Variants in CACNA1D observed in about 807,000 individuals in gnomAD.
CACNA1D encodes voltage-dependent L-type calcium channel subunit alpha-1D.
A neutral mutation model predicts 257.1 loss-of-function variants in CACNA1D; 55 were observed. That is an observed-to-expected ratio of 0.21 (90% CI 0.17 to 0.27). The LOEUF (loss-of-function observed/expected upper bound fraction) is 0.27, where lower values mean the gene tolerates loss of function less well. CACNA1D is among the 10% of genes least tolerant of loss of function. CACNA1D has a pLI of 1.00. For synonymous variants in CACNA1D, 980 were observed against 1,014.9 expected, an observed-to-expected ratio of 0.97 and a Z score of 0.65; for missense variants, 1,876 against 2,784.0, an observed-to-expected ratio of 0.67 and a Z score of 7.34.
At chr3:53,801,449 C>G in intron 42 of CACNA1D, 24 bp downstream of exon 42, 1 of 1,612,570 alleles carries the variant, frequency 6.2e-7, no homozygotes, top group Non-Finnish European at 8.5e-7. Context: ...TGTGTTTGGA[C>G]TTGCTCATGT....
rs947743150 is a variant in CACNA1D, at chr3:53,645,981, G to C, written c.484-4798G>C. Among the ~76,000 whole-genome samples the C allele has an allele frequency of 2.6e-5, 4 of 152,348 alleles. No individual in the cohort carries two copies. The East Asian group carries it at 7.7e-4, about 29-fold the overall frequency. On this transcript the variant is annotated intron_variant, in intron 3 of 47. Transcript: ENST00000350061. The stretch of plus-strand genomic sequence containing the variant: ...TATGGCTCCAAGCCCTGTGTTCCTT[G>C]CATTCAACCCCGCTGGGTGCGTTTT...
intron 21 of CACNA1D, among the ~76,000 whole-genome samples, chr3:53,741,032 G>C (rs961201393): frequency 1.3e-5 from 2 of 152,192 alleles, no homozygotes; most frequent in Admixed American, 1.3e-4. Flanking sequence ...CCTTTGGCCG[G>C]GGTGACCTAA....
chr3:53,776,483 C>T (rs2095397900), intron 35 of CACNA1D, 120 bp from the exon 36 acceptor site: 8 of 1,214,572 alleles, frequency 6.6e-6, no homozygotes, highest in Non-Finnish European at 9.4e-6. Flanking sequence ...AAAGTTTTTA[C>T]AACTTCTCTT....
Position 53,776,847 on chromosome 3 carries a change from A to G in CACNA1D, c.4491-13A>G. 1.2e-6 allele frequency: 2 copies of G among 1,613,622 alleles called. No homozygotes were observed. Among genetic ancestry groups the G allele is most frequent in the Non-Finnish European group, 1.7e-6 (2 of 1,179,566 alleles). On this transcript the variant is annotated splice_polypyrimidine_tract_variant and intron_variant, in intron 36 of 47. Transcript: ENST00000350061. ...GTACTGTTCCTGGACCTTAGATTGT[A>G]TTTTACTTCCAGGGGAAGGATAAAA...
intron 4 of CACNA1D, among the ~76,000 whole-genome samples, chr3:53,657,186 A>G (rs912870174): frequency 2.0e-5 from 3 of 152,216 alleles, no homozygotes; most frequent in East Asian, 1.9e-4. Context: ...TATTTGTGTA[A>G]TGGGATATTA....
Position 53,801,369 on chromosome 3 carries a change from G to A in CACNA1D, c.5352G>A (p.Gly1784=). 2 of 1,614,166 alleles carry A rather than the reference G, an allele frequency of 1.2e-6. No individual in the cohort carries two copies. Among genetic ancestry groups the A allele is most frequent in the Non-Finnish European group, 1.7e-6 (2 of 1,180,016 alleles). ...IGNLEHVSEN[G]HHSSHKHDRE... ...ACCTTGAGCATGTGTCTGAAAATGG[G>A]CATCATTCTTCCCACAAGCATGACC... is the stretch of plus-strand genomic sequence containing the variant. The change falls in exon 42 of 48, where the codon GGG becomes GGA. Residue 1784 remains glycine, a synonymous_variant. Coordinates refer to ENST00000350061, the MANE Select transcript of CACNA1D (RefSeq NM_001128840.3).
chr3:53,614,202 G>A (rs770313018), intron 3 of CACNA1D, among the ~76,000 whole-genome samples: 4 of 151,756 alleles, frequency 2.6e-5, no homozygotes, highest in Admixed American at 6.6e-5. Flanking sequence ...ACATCGTCCC[G>A]GGGCTGAGAT....
intron 38 of CACNA1D, among the ~76,000 whole-genome samples, chr3:53,781,085 C>G (rs78429721): frequency 0.045 from 6,851 of 152,264 alleles, 255 homozygotes; most frequent in Middle Eastern, 0.099. Flanking sequence ...GTTGAAAAGA[C>G]AAGTGTCAGC....
intron 9 of CACNA1D, among the ~76,000 whole-genome samples, chr3:53,706,052 T>C (rs1273226100): frequency 6.6e-6 from 1 of 152,124 alleles, no homozygotes; most frequent in African/African-American, 2.4e-5. Flanking sequence ...TCCCTGGGGG[T>C]GTGAGATCAC....
At chr3:53,739,031 A>C (rs2095087679) in intron 20 of CACNA1D, among the ~76,000 whole-genome samples, 1 of 152,218 alleles carries the variant, frequency 6.6e-6, no homozygotes, top group Admixed American at 6.5e-5. Context: ...CATAAGTCCA[A>C]AACCAGAAAC....
chr3:53,742,421 C>T (rs1481303595), intron 21 of CACNA1D, among the ~76,000 whole-genome samples: 1 of 152,222 alleles, frequency 6.6e-6, no homozygotes, highest in Non-Finnish European at 1.5e-5. Flanking sequence ...GAGACTGGCT[C>T]AGGTGAGATG....
chr3:53,531,004 C>T (rs769810822), intron 3 of CACNA1D, among the ~76,000 whole-genome samples: 1 of 147,620 alleles, frequency 6.8e-6, no homozygotes, highest in Non-Finnish European at 1.5e-5. Flanking sequence ...TCCCACCATG[C>T]CCAGCTAATT....
chr3:53,518,374 A>G (rs1302121935), intron 3 of CACNA1D, among the ~76,000 whole-genome samples: 5 of 152,182 alleles, frequency 3.3e-5, no homozygotes, highest in Non-Finnish European at 5.9e-5. Flanking sequence ...ATAATAGACC[A>G]TTTAATGAAG....
rs537235750 is a variant in CACNA1D at position 53,784,976 on chromosome 3, C to A, written c.4793-1846C>A. Among the ~76,000 whole-genome samples, 101 of 152,258 alleles carry A rather than the reference C, an allele frequency of 6.6e-4. 1 individual carries two copies. The highest frequency in any genetic ancestry group is 2.4e-3 in the African/African-American group (101 of 41,548). On this transcript the variant is annotated intron_variant, in intron 39 of 47. Transcript: ENST00000350061. ...GGGCAAGTCATTTAGCCCTCTCCAT[C>A]TGTTGGAGGGGGTGGTGGTGAGCAG... is the stretch of plus-strand genomic sequence containing the variant.
intron 11 of CACNA1D, among the ~76,000 whole-genome samples, chr3:53,721,330 G>C (rs1319136264): frequency 6.6e-6 from 1 of 152,246 alleles, no homozygotes; most frequent in Admixed American, 6.5e-5. Context: ...AGCCAGGGCT[G>C]CAGCTTGGGT....
intron 3 of CACNA1D, among the ~76,000 whole-genome samples, chr3:53,647,099 G>A (rs972166258): frequency 5.3e-5 from 8 of 152,150 alleles, no homozygotes; most frequent in African/African-American, 1.9e-4. Context: ...TTTCTCTAGT[G>A]GCTTGAGTTC....
chr3:53,585,802 C>G (rs1456811949), intron 3 of CACNA1D, among the ~76,000 whole-genome samples: 1 of 152,144 alleles, frequency 6.6e-6, no homozygotes, highest in Non-Finnish European at 1.5e-5. Context: ...CCCTGTTTGA[C>G]CTTGACAACT....
At chr3:53,655,695 A>C (rs2094141401) in intron 4 of CACNA1D, among the ~76,000 whole-genome samples, 1 of 151,974 alleles carries the variant, frequency 6.6e-6, no homozygotes, top group Admixed American at 6.6e-5. Flanking sequence ...AGTTCCTTAT[A>C]GATGTTGGAT....
intron 19 of CACNA1D, among the ~76,000 whole-genome samples, chr3:53,733,405 A>G (rs1295014677): frequency 2.0e-5 from 3 of 152,194 alleles, no homozygotes; most frequent in Non-Finnish European, 2.9e-5. Flanking sequence ...CAAGGTCCGC[A>G]TAGCATCCTC....
Sources: gnomAD v4.1 joint callset for allele counts (sites outside exome capture counted in the v4.1 genomes callset) on GRCh38, gnomAD v4.1.1 for gene constraint, MANE v1.5 for transcripts, NCBI Gene and HGNC (gene_info 2026-07-23, HGNC 2026-07-21) for gene names.